The following TLE4 variants were observed in gnomAD, a reference collection of about 807,000 sequenced individuals.
TLE4 encodes the protein TLE family member 4, transcriptional corepressor.
TLE4 carries 8 observed loss-of-function variants against 92.8 expected under a neutral mutation model. That is an observed-to-expected ratio of 0.09 (90% CI 0.05 to 0.16). The LOEUF is 0.16. TLE4 is among the 10% of genes least tolerant of loss of function. TLE4 has a pLI of 1.00. For missense variants in TLE4, 675 were observed against 997.6 expected (o/e 0.68, Z 4.36); for synonymous variants, 371 against 374.1 (o/e 0.99, Z 0.10).
chr9:79,592,183 C>CTCTTCCTCTTCTTCT (rs2042752742), intron 4 of TLE4, among the ~76,000 whole-genome samples: 4 of 135,282 alleles, frequency 3.0e-5, no homozygotes, highest in Non-Finnish European at 4.7e-5. Context: ...CTTCCTCTTC[C>CTCTTCCTCTTCTTCT]TCTTCTTCTT....
intron 5 of TLE4, among the ~76,000 whole-genome samples, chr9:79,614,253 C>T (rs146364508): frequency 6.6e-6 from 1 of 152,244 alleles, no homozygotes; most frequent in East Asian, 1.9e-4. Flanking sequence ...TTCGAATTAT[C>T]CCTGGGGTGG....
chr9:79,602,621 G>T (rs2045908403), intron 4 of TLE4, among the ~76,000 whole-genome samples: 1 of 152,156 alleles, frequency 6.6e-6, no homozygotes, highest in Admixed American at 6.5e-5. Flanking sequence ...CAGAAAAAAA[G>T]ATTTCTTTCA....
At position 79,576,128 on chromosome 9, in the gene TLE4, G is replaced by C. The variant is rs765966157; in HGVS notation, c.208-5G>C. The C allele has an allele frequency of 6.8e-7, 1 of 1,473,416 alleles. No homozygotes were observed. The allele number at this position is 1,473,416 out of a possible 1,614,324, so 91.3% of individuals were successfully genotyped here. On this transcript the variant is annotated splice_region_variant and splice_polypyrimidine_tract_variant and intron_variant, in intron 3 of 19. Transcript: ENST00000376552. ...TGCATTTAATTGCTTTTCCTTCTTT[G>C]ACAGTATTATGAAATGTCCTATGGG... is the stretch of plus-strand genomic sequence containing the variant.
At chr9:79,650,277 A>C (rs558152804) in intron 6 of TLE4, among the ~76,000 whole-genome samples, 1 of 152,136 alleles carries the variant, frequency 6.6e-6, no homozygotes, top group African/African-American at 2.4e-5. Context: ...TAATGTGTGA[A>C]TATTTCAGGG....
At chr9:79,592,447 G>A (rs2042951086) in intron 4 of TLE4, among the ~76,000 whole-genome samples, 1 of 151,456 alleles carries the variant, frequency 6.6e-6, no homozygotes, top group East Asian at 1.9e-4. Context: ...GGCAATTTTT[G>A]TATTTTTTGG....
At chr9:79,680,391 A>G (rs2064254480) in intron 8 of TLE4, among the ~76,000 whole-genome samples, 1 of 151,968 alleles carries the variant, frequency 6.6e-6, no homozygotes, top group African/African-American at 2.4e-5. Context: ...TGTAATTTGA[A>G]GCAATGGGAG....
chr9:79,660,719 A>G (rs2060407491), intron 8 of TLE4, among the ~76,000 whole-genome samples: 2 of 152,242 alleles, frequency 1.3e-5, no homozygotes, highest in Admixed American at 1.3e-4. Flanking sequence ...GTGAAACGTA[A>G]CAGGTGTCCT....
intron 5 of TLE4, among the ~76,000 whole-genome samples, chr9:79,620,395 G>T (rs918977774): frequency 6.6e-6 from 1 of 152,204 alleles, no homozygotes; most frequent in African/African-American, 2.4e-5. Flanking sequence ...CCAAAGTTCT[G>T]TTGGACAGCA....
At chr9:79,706,974 A>G in intron 11 of TLE4, 75 bp downstream of exon 11, 2 of 1,575,242 alleles carry the variant, frequency 1.3e-6, no homozygotes, top group Non-Finnish European at 1.7e-6. Context: ...TTTTATCTTT[A>G]TATTTCTCAC....
chr9:79,665,977 A>G (rs867253667), intron 8 of TLE4, among the ~76,000 whole-genome samples: 27 of 152,290 alleles, frequency 1.8e-4, no homozygotes, highest in Admixed American at 1.2e-3. Flanking sequence ...CTCAAATTTT[A>G]TTTCTATGTC....
At chr9:79,673,124 G>A (rs1011255231) in intron 8 of TLE4, among the ~76,000 whole-genome samples, 2 of 152,164 alleles carry the variant, frequency 1.3e-5, no homozygotes, top group African/African-American at 2.4e-5. Context: ...TTTCAGGAAC[G>A]TGGAGGATAC....
intron 8 of TLE4, among the ~76,000 whole-genome samples, chr9:79,696,920 C>A: frequency 6.6e-6 from 1 of 152,032 alleles, no homozygotes. Flanking sequence ...TTTTGCCAAC[C>A]CTCTCCACTT....
intron 8 of TLE4, chr9:79,671,531 C>T (rs1454174026): frequency 3.6e-6 from 1 of 280,108 alleles, no homozygotes; most frequent in Non-Finnish European, 7.4e-6. Flanking sequence ...AGGGAGTATA[C>T]CCAACAGATG....
rs565594925 is a variant in TLE4 at position 79,722,057 on chromosome 9, T to A, written c.1986+169T>A. Among the ~76,000 whole-genome samples the A allele has an allele frequency of 4.1e-3, 624 of 152,184 alleles. 4 individuals carry two copies. The highest frequency in any genetic ancestry group is 0.014 in the African/African-American group (580 of 41,510). On this transcript the variant is annotated intron_variant, in intron 17 of 19. Coordinates refer to ENST00000376552, the MANE Select transcript of TLE4 (RefSeq NM_007005.6). ...GCATGTGCCTGTAGTCCCAGCTACTTAGGAGGCTGTGGCAGGAGAATCGCT... is the reference window on the plus strand; with the variant it reads ...GCATGTGCCTGTAGTCCCAGCTACTAAGGAGGCTGTGGCAGGAGAATCGCT...
intron 6 of TLE4, among the ~76,000 whole-genome samples, chr9:79,646,963 A>G (rs1294378793): frequency 6.6e-6 from 1 of 152,188 alleles, no homozygotes; most frequent in East Asian, 1.9e-4. Flanking sequence ...CAAGGCATAT[A>G]CTATTAAGCA....
intron 8 of TLE4, among the ~76,000 whole-genome samples, chr9:79,673,352 A>G (rs894075372): frequency 6.6e-6 from 1 of 152,184 alleles, no homozygotes; most frequent in Non-Finnish European, 1.5e-5. Flanking sequence ...CTAGACCCCA[A>G]CCAGTGGTCC....
At chr9:79,672,742 C>A (rs1258154034) in intron 8 of TLE4, among the ~76,000 whole-genome samples, 2 of 152,208 alleles carry the variant, frequency 1.3e-5, no homozygotes, top group Admixed American at 1.3e-4. Context: ...AAGAGGGATT[C>A]ACATTTCTCT....
At chr9:79,704,757 C>G in intron 8 of TLE4, 26 bp from the exon 9 acceptor site, 1 of 1,595,760 alleles carries the variant, frequency 6.3e-7, no homozygotes. Context: ...ATTTCTCAAC[C>G]ATGCTTCCTC....
chr9:79,601,537 T>C (rs2045661692), intron 4 of TLE4: 1 of 449,998 alleles, frequency 2.2e-6, no homozygotes, highest in African/African-American at 2.0e-5. Context: ...TCAAACTTTC[T>C]TATTATTACT....
Sources: allele counts gnomAD v4.1 joint callset (sites outside exome capture counted in the v4.1 genomes callset), GRCh38; gene constraint gnomAD v4.1.1; transcripts MANE v1.5; gene names NCBI Gene and HGNC (gene_info 2026-07-23, HGNC 2026-07-21).